Variants in SLC11A2 observed in about 807,000 individuals in gnomAD.
SLC11A2 encodes the protein solute carrier family 11 member 2, also known as natural resistance-associated macrophage protein 2.
SLC11A2 carries 38 observed loss-of-function variants against 68.0 expected under a neutral mutation model. That is an observed-to-expected ratio of 0.56 (90% CI 0.43 to 0.73). SLC11A2 has a LOEUF of 0.73. Ranked by LOEUF, SLC11A2 falls within the 30% of genes least tolerant of loss-of-function variation. The pLI is 0.00. For missense variants in SLC11A2, 517 were observed against 690.5 expected, an observed-to-expected ratio of 0.75 and a Z score of 2.82; for synonymous variants, 242 against 250.6, an observed-to-expected ratio of 0.97 and a Z score of 0.32.
At chr12:51,009,148 A>G (rs1412857732) in intron 2 of SLC11A2, 1 of 1,506,374 alleles carries the variant, frequency 6.6e-7, no homozygotes, top group African/African-American at 1.4e-5. Flanking sequence ...TTATACCTCC[A>G]TCAGACTTCT....
chr12:50,987,870 T>C lies in SLC11A2; in HGVS notation c.*455A>G. 2 of 1,264,550 alleles carry C rather than the reference T, an allele frequency of 1.6e-6. No individual in the cohort carries two copies. The highest frequency in any genetic ancestry group is 2.0e-6 in the Non-Finnish European group (2 of 978,052). 78.3% of individuals were successfully genotyped at this position (1,264,550 alleles called of 1,614,324 possible). ...GGTATAATTAAAATAACTGAAAAGG[T>C]AGGTATAAGGAAAATTTCTCAGCCT... On this transcript the variant is annotated 3_prime_UTR_variant, in exon 16 of 16. Transcript: ENST00000262052.
rs761131979 is a variant in SLC11A2, at chr12:50,992,799, C to T, written c.1197+11G>A. The T allele has an allele frequency of 1.9e-6, 3 of 1,612,512 alleles. No individual in the cohort carries two copies. Among genetic ancestry groups the T allele is most frequent in the Non-Finnish European group, 2.5e-6 (3 of 1,179,246 alleles). ...TTGTGTTATCTCCCTCTATCCTATA[C>T]CAGCACGTACCTCCATGACAAACTG... is the stretch of plus-strand genomic sequence containing the variant. On this transcript the variant is annotated intron_variant, in intron 12 of 15. Transcript: ENST00000262052.
chr12:50,963,576 G>A, the SLC11A2 span, among the ~76,000 whole-genome samples: 3 of 152,052 alleles, frequency 2.0e-5, no homozygotes, highest in Admixed American at 6.6e-5. Context: ...TAAACATGGA[G>A]CTGGCAAAGG....
the SLC11A2 span, among the ~76,000 whole-genome samples, chr12:50,974,095 C>T: frequency 2.6e-5 from 4 of 151,832 alleles, no homozygotes; most frequent in Admixed American, 6.6e-5. Flanking sequence ...ACTTCCCCAA[C>T]CTAGCAAGGC....
At chr12:51,013,151 A>G (rs1393030758) in intron 1 of SLC11A2, among the ~76,000 whole-genome samples, 1 of 152,268 alleles carries the variant, frequency 6.6e-6, no homozygotes, top group African/African-American at 2.4e-5. Context: ...CAAGTACATC[A>G]ATTAGTCTTG....
At position 50,990,822 on chromosome 12, in the gene SLC11A2, C is replaced by G; in HGVS notation, c.1548G>C (p.Val516=). 1 of 1,614,114 alleles carries G rather than the reference C, an allele frequency of 6.2e-7. No homozygotes were observed. The highest frequency in any genetic ancestry group is 8.5e-7 in the Non-Finnish European group (1 of 1,179,994). The change falls in exon 15 of 16, where the codon GTG becomes GTC. Residue 516 remains valine, a synonymous_variant. Transcript: ENST00000262052. The part of the protein sequence containing the change: ...ALYVVAAVVS[V]AYLGFVFYLG... ...AGTAGAACACAAAGCCCAGATAAGC[C>G]ACGCTGACCACAGCAGCCACCACAT...
chr12:50,992,977 A>G (rs773835034), intron 11 of SLC11A2, 48 bp from the exon 12 acceptor site: 1 of 1,611,844 alleles, frequency 6.2e-7, no homozygotes, highest in Non-Finnish European at 8.5e-7. Flanking sequence ...TAATCTGCTC[A>G]GACAATATCC....
intron 5 of SLC11A2, among the ~76,000 whole-genome samples, chr12:51,004,410 G>A (rs1486778243): frequency 6.6e-6 from 1 of 152,104 alleles, no homozygotes; most frequent in Non-Finnish European, 1.5e-5. Flanking sequence ...TGATGGCAAA[G>A]TCAAACAAAA....
chr12:50,970,139 C>G, the SLC11A2 span, among the ~76,000 whole-genome samples: 1 of 152,170 alleles, frequency 6.6e-6, no homozygotes, highest in Non-Finnish European at 1.5e-5. Flanking sequence ...ATTGAGATGA[C>G]TACTATTTTT....
Position 50,996,954 on chromosome 12 carries a change from T to C in SLC11A2, c.694A>G (p.Ser232Gly), listed in dbSNP as rs747964479. 1 of 1,614,146 alleles carries C rather than the reference T, an allele frequency of 6.2e-7. No homozygotes were observed. Among genetic ancestry groups the C allele is most frequent in the Non-Finnish European group, 8.5e-7 (1 of 1,179,972 alleles). ...FGYEYVTVKP[S>G]QSQVLKGMFV... The stretch of plus-strand genomic sequence containing the variant: ...ATGCCCTTGAGTACCTGGCTCTGGC[T>C]GGGTTTCACTGTAACATACTACATA... Residue 232 changes from serine (S) to glycine (G), a missense_variant, in exon 9 of 16, where the codon AGC becomes GGC. Ser to Gly is a moderately conservative substitution (Grantham distance 56). Transcript: ENST00000262052.
At chr12:50,964,845 T>C in the SLC11A2 span, among the ~76,000 whole-genome samples, 1 of 152,230 alleles carries the variant, frequency 6.6e-6, no homozygotes, top group Non-Finnish European at 1.5e-5. Flanking sequence ...TTCTGCCAAA[T>C]AGGCAAACTA....
chr12:50,986,564 T>C lies in SLC11A2; in HGVS notation c.*1761A>G. ...AAGATACATGTTACCATATCATCTT[T>C]ATAAAGAATTTTTTTTTTGTCGTCA... On this transcript the variant is annotated 3_prime_UTR_variant, in exon 16 of 16. Coordinates refer to ENST00000262052, the MANE Select transcript of SLC11A2 (RefSeq NM_000617.3). 1.6e-6 allele frequency: 2 copies of C among 1,287,050 alleles called. No individual in the cohort carries two copies. Among genetic ancestry groups the C allele is most frequent in the Non-Finnish European group, 2.0e-6 (2 of 988,662 alleles). 79.7% of individuals were successfully genotyped at this position (1,287,050 alleles called of 1,614,324 possible).
At chr12:50,954,293 C>A in the SLC11A2 span, 1 of 447,666 alleles carries the variant, frequency 2.2e-6, no homozygotes, top group Non-Finnish European at 3.9e-6. Context: ...TTATTTGAGG[C>A]ATCAAATTTT....
intron 2 of SLC11A2, chr12:51,009,279 T>A (rs1943009414): frequency 2.3e-6 from 3 of 1,300,028 alleles, no homozygotes; most frequent in Admixed American, 3.7e-5. Context: ...GTGCCGCCGG[T>A]CACGGGGTAC....
At position 50,987,669 on chromosome 12, in the gene SLC11A2, G is replaced by A. The variant is rs552634630; in HGVS notation, c.*656C>T. 3.4e-5 allele frequency: 44 copies of A among 1,286,532 alleles called. No individual in the cohort carries two copies. Among genetic ancestry groups the A allele is most frequent in the South Asian group, 2.2e-4 (18 of 80,922 alleles). 79.7% of individuals were successfully genotyped at this position (1,286,532 alleles called of 1,614,324 possible). On this transcript the variant is annotated 3_prime_UTR_variant, in exon 16 of 16. Coordinates refer to ENST00000262052, the MANE Select transcript of SLC11A2 (RefSeq NM_000617.3). The stretch of plus-strand genomic sequence containing the variant: ...AGGTAATTAGTAAGCACCACCTAGC[G>A]ATGTGGTGCTGGTTTTGTTAGTTGT...
At position 50,995,031 on chromosome 12, in the gene SLC11A2, C is replaced by T. The variant is rs111574679; in HGVS notation, c.991-401G>A. 831 of 280,454 alleles carry T rather than the reference C, an allele frequency of 3.0e-3. 8 individuals are homozygous for T. Among genetic ancestry groups the T allele is most frequent in the African/African-American group, 0.017 (780 of 44,664 alleles). 17.4% of individuals were successfully genotyped at this position (280,454 alleles called of 1,614,324 possible). A position where few individuals can be genotyped will look rare whatever the true frequency, so the allele number is the denominator to read the frequency against. On this transcript the variant is annotated intron_variant, in intron 10 of 15. Coordinates refer to ENST00000262052, the MANE Select transcript of SLC11A2 (RefSeq NM_000617.3). ...TGGTGATCAAAACTACACAGGCAGG[C>T]CAGGCACAGGAGCTCACGCCTGTAA...
At chr12:50,981,142 G>A (rs1049884596), downstream of SLC11A2, 4 of 152,144 alleles carry the variant, frequency 2.6e-5, no homozygotes, top group African/African-American at 9.7e-5. Context: ...AAGAAATGAT[G>A]TGTTAATATG....
At chr12:51,024,772 G>A (rs578227004) in intron 1 of SLC11A2, 1 of 152,328 alleles carries the variant, frequency 6.6e-6, no homozygotes. Flanking sequence ...AGGGACCACT[G>A]CTGATTTCCT....
the SLC11A2 span, among the ~76,000 whole-genome samples, chr12:50,969,032 C>T: frequency 5.9e-5 from 9 of 151,880 alleles, no homozygotes; most frequent in African/African-American, 2.2e-4. Flanking sequence ...CGGTGGCTCA[C>T]GCCTATAATC....
Sources: gnomAD v4.1 joint callset for allele counts (sites outside exome capture counted in the v4.1 genomes callset) on GRCh38, gnomAD v4.1.1 for gene constraint, MANE v1.5 for transcripts, NCBI Gene and HGNC (gene_info 2026-07-23, HGNC 2026-07-21) for gene names.